The following HMGXB3 variants were observed in gnomAD, a reference collection of about 807,000 sequenced individuals.
HMGXB3 encodes HMG domain-containing protein 3.
A neutral mutation model predicts 121.5 loss-of-function variants in HMGXB3; 45 were observed. The observed-to-expected ratio is 0.37, with a 90% confidence interval of 0.29 to 0.47. The LOEUF is 0.47. HMGXB3 is among the 20% of genes least tolerant of loss of function. HMGXB3 has a pLI of 0.99. For missense variants in HMGXB3, 1,376 were observed against 1,602.2 expected (o/e 0.86, Z 2.41); for synonymous variants, 590 against 624.1 (o/e 0.95, Z 0.81).
chr5:150,024,463 T>C lies in HMGXB3; in HGVS notation c.1243T>C (p.Trp415Arg). Residue 415 changes from tryptophan to arginine, a missense_variant, in exon 7 of 20, where the codon TGG becomes CGG. Trp to Arg is a moderately radical substitution (Grantham distance 101). This residue lies in a region of HMGXB3 where 1,116 missense variants were observed against 1,369.0 expected (regional missense o/e 0.82). Transcript: ENST00000502717. ...PPREVGEESE[W>R]EEVIISDAHV... ...CAGAGAAGTAGGTGAGGAGAGTGAG[T>C]GGGAGGAAGTGATCATCTCCGATGC... The C allele has an allele frequency of 6.4e-7, 1 of 1,551,518 alleles. No homozygotes were observed. The highest frequency in any genetic ancestry group is 8.7e-7 in the Non-Finnish European group (1 of 1,146,944).
intron 18 of HMGXB3, among the ~76,000 whole-genome samples, chr5:150,049,049 G>A (rs1273958808): frequency 2.6e-5 from 4 of 152,216 alleles, no homozygotes; most frequent in African/African-American, 9.7e-5. Context: ...AAGATAGAAA[G>A]TAACAGGGAG....
In HMGXB3 at chr5:150,024,726, T is replaced by C. The variant is rs1458375139; in HGVS notation, c.1460+46T>C. ...AATATAGGGCTTTGGAAATGCCCCA[T>C]GTTTCTTTTATCTCATGTCTGTACA... On this transcript the variant is annotated intron_variant, in intron 7 of 19. Transcript: ENST00000502717. 12 of 1,427,512 alleles carry C rather than the reference T, an allele frequency of 8.4e-6. 1 individual carries two copies. The highest frequency in any genetic ancestry group is 1.8e-4 in the Middle Eastern group (1 of 5,460). 88.4% of individuals were successfully genotyped at this position (1,427,512 alleles called of 1,614,324 possible).
intron 1 of HMGXB3, among the ~76,000 whole-genome samples, chr5:150,003,816 C>T (rs10078360): frequency 0.089 from 13,509 of 151,498 alleles, 2,005 homozygotes; most frequent in African/African-American, 0.31. Context: ...ATTAGCCAGG[C>T]GTGATGACAT....
At chr5:150,034,703 T>C (rs754444312) in intron 11 of HMGXB3, among the ~76,000 whole-genome samples, 2 of 152,184 alleles carry the variant, frequency 1.3e-5, no homozygotes, top group Non-Finnish European at 2.9e-5. Flanking sequence ...TTCCAGAAAA[T>C]AAAGCACTGG....
chr5:150,052,135 CAAGACA>C lies in HMGXB3; in HGVS notation c.3823_3828del (p.Lys1275_Thr1276del), dbSNP rs1303328035. 5 of 1,551,396 alleles carry C rather than the reference CAAGACA, an allele frequency of 3.2e-6. No homozygotes were observed. Among genetic ancestry groups the C allele is most frequent in the East Asian group, 2.4e-5 (1 of 40,914 alleles). Reference sequence around the variant, plus strand: ...TCTACCGCCTTGGGGTTGCTCAGATCAAGACAGAGACAGAGGAGGAGGGTGAGGAAG... The same window carrying C: ...TCTACCGCCTTGGGGTTGCTCAGATCGAGACAGAGGAGGAGGGTGAGGAAG... On this transcript the variant is annotated inframe_deletion, in exon 20 of 20. Transcript: ENST00000502717.
At chr5:150,028,500 TA>T in intron 9 of HMGXB3, among the ~76,000 whole-genome samples, 1 of 57,618 alleles carries the variant, frequency 1.7e-5, no homozygotes, top group Admixed American at 1.9e-4. Context: ...TATATATATG[TA>T]TGTATGTGTG....
rs1452313353 is a variant in HMGXB3, at chr5:150,036,619, A to G, written c.1984-17A>G. ...TTCTGCTCTGAGTGCTTGGTGATCA[A>G]TCCACTCTCTTCCCAGGAGGTGAGC... On this transcript the variant is annotated splice_polypyrimidine_tract_variant and intron_variant, in intron 11 of 19. Coordinates refer to ENST00000502717, the MANE Select transcript of HMGXB3 (RefSeq NM_014983.3). 1 of 1,522,036 alleles carries G rather than the reference A, an allele frequency of 6.6e-7. No homozygotes were observed. The highest frequency in any genetic ancestry group is 1.3e-5 in the South Asian group (1 of 79,648). 94.3% of individuals were successfully genotyped at this position (1,522,036 alleles called of 1,614,324 possible).
chr5:150,009,698 A>G (rs1308250862), intron 3 of HMGXB3, among the ~76,000 whole-genome samples: 1 of 152,250 alleles, frequency 6.6e-6, no homozygotes, highest in Non-Finnish European at 1.5e-5. Flanking sequence ...ATCCTAAAGT[A>G]TCAGAGCTCA....
At chr5:150,045,802 C>T (rs1227447177) in intron 16 of HMGXB3, 117 bp downstream of exon 16, 1 of 746,600 alleles carries the variant, frequency 1.3e-6, no homozygotes, top group African/African-American at 1.8e-5. Flanking sequence ...CTGCAGGACT[C>T]CTTTCAGAAA....
chr5:150,032,591 C>T lies in HMGXB3; in HGVS notation c.1971C>T (p.Thr657=). The T allele has an allele frequency of 6.4e-7, 1 of 1,552,284 alleles. No homozygotes were observed. Among genetic ancestry groups the T allele is most frequent in the Non-Finnish European group, 8.7e-7 (1 of 1,147,108 alleles). ...VNLAKDRTEK[T]TKAIEVSSPL... ...TTGCCAAAGACCGGACTGAGAAAACCACCAAGGCTATCGTGAGTTCCTTCC... is the reference window on the plus strand; with the variant it reads ...TTGCCAAAGACCGGACTGAGAAAACTACCAAGGCTATCGTGAGTTCCTTCC... Residue 657 remains threonine (T), a synonymous_variant, in exon 11 of 20, where the codon ACC becomes ACT. Coordinates refer to ENST00000502717, the MANE Select transcript of HMGXB3 (RefSeq NM_014983.3).
intron 6 of HMGXB3, among the ~76,000 whole-genome samples, chr5:150,019,497 G>A (rs887783010): frequency 7.2e-5 from 11 of 152,050 alleles, no homozygotes; most frequent in African/African-American, 1.2e-4. Flanking sequence ...TGCTTGGTGC[G>A]AACTAGATAA....
In HMGXB3 at chr5:150,017,624, A is replaced by G. The variant is rs191412412; in HGVS notation, c.910-942A>G. Reference sequence around the variant, plus strand: ...AATACCACTGTCATAATTGGAAGCCATAATTGAAGCCTTTTCCTTAGGCTT... The same window carrying G: ...AATACCACTGTCATAATTGGAAGCCGTAATTGAAGCCTTTTCCTTAGGCTT... On this transcript the variant is annotated intron_variant, in intron 5 of 19. Coordinates refer to ENST00000502717, the MANE Select transcript of HMGXB3 (RefSeq NM_014983.3). Among the ~76,000 whole-genome samples, 3 of 152,364 alleles carry G rather than the reference A, an allele frequency of 2.0e-5. No individual in the cohort carries two copies. In the East Asian group the frequency reaches 5.8e-4, roughly 29 times the overall value.
At chr5:150,010,020 C>A in intron 3 of HMGXB3, 91 bp from the exon 4 acceptor site, 2 of 1,349,890 alleles carry the variant, frequency 1.5e-6, no homozygotes, top group Non-Finnish European at 2.0e-6. Context: ...AAAAAAAGAA[C>A]TTACACATAT....
intron 8 of HMGXB3, 64 bp from the exon 9 acceptor site, chr5:150,026,956 A>G: frequency 1.3e-6 from 2 of 1,537,024 alleles, no homozygotes; most frequent in South Asian, 1.2e-5. Context: ...TTGAGAACGG[A>G]CATAGAGACT....
At chr5:150,049,413 C>G (rs952246906) in intron 18 of HMGXB3, among the ~76,000 whole-genome samples, 23 of 151,528 alleles carry the variant, frequency 1.5e-4, no homozygotes, top group African/African-American at 4.8e-4. Flanking sequence ...AACGGAAACC[C>G]CCCCCCTTAA....
intron 15 of HMGXB3, among the ~76,000 whole-genome samples, chr5:150,044,653 G>A (rs970983395): frequency 7.9e-5 from 12 of 152,144 alleles, no homozygotes; most frequent in Non-Finnish European, 1.6e-4. Flanking sequence ...TGCTTGTCCA[G>A]GACCACCCTT....
intron 5 of HMGXB3, chr5:150,015,073 A>C (rs1443121219): frequency 4.9e-6 from 2 of 411,888 alleles, no homozygotes; most frequent in East Asian, 4.5e-5. Flanking sequence ...ACAAAAGCCA[A>C]AGGGGGACAG....
At chr5:150,037,265 A>G (rs1300531086) in intron 12 of HMGXB3, 135 bp from the exon 13 acceptor site, 16 of 869,420 alleles carry the variant, frequency 1.8e-5, no homozygotes, top group Non-Finnish European at 2.4e-5. Flanking sequence ...ACAGATTCCA[A>G]CAAAGTGGAA....
chr5:150,020,142 T>A (rs1012108075), intron 6 of HMGXB3, among the ~76,000 whole-genome samples: 6 of 152,252 alleles, frequency 3.9e-5, no homozygotes, highest in Non-Finnish European at 8.8e-5. Flanking sequence ...TGGCAGTTTC[T>A]GGTACATATT....
Sources: allele counts gnomAD v4.1 joint callset (sites outside exome capture counted in the v4.1 genomes callset), GRCh38; gene constraint gnomAD v4.1.1; regional missense constraint gnomAD v4.1.1; transcripts MANE v1.5; gene names NCBI Gene and HGNC (gene_info 2026-07-23, HGNC 2026-07-21).